FKBP10: variants seen among roughly 807,000 people sequenced by gnomAD.
The protein encoded by FKBP10 is FKBP prolyl isomerase 10.
FKBP10 carries 34 observed loss-of-function variants against 53.7 expected under a neutral mutation model. That is an observed-to-expected ratio of 0.63 (90% CI 0.48 to 0.84). FKBP10 has a LOEUF of 0.84. Ranked by LOEUF, FKBP10 falls within the 40% of genes least tolerant of loss-of-function variation. FKBP10 has a pLI of 0.00. For missense variants in FKBP10, 748 were observed against 797.8 expected (o/e 0.94, Z 0.75); for synonymous variants, 324 against 335.7 (o/e 0.97, Z 0.38).
At chr17:41,817,669 C>G (rs1179814061) in intron 2 of FKBP10, among the ~76,000 whole-genome samples, 1 of 150,366 alleles carries the variant, frequency 6.7e-6, no homozygotes, top group East Asian at 2.0e-4. Flanking sequence ...CACTCTGTTG[C>G]ACAGGCTGGA....
In FKBP10 at chr17:41,821,034, G is replaced by T; in HGVS notation, c.1344G>T (p.Val448=). ...GLDTGLQGMC[V]GERRQLIVPP... ...ACACGGGCCTGCAGGGCATGTGTGT[G>T]GGAGAGAGGCGGCAGCTCATCGTGC... is the stretch of plus-strand genomic sequence containing the variant. The change falls in exon 8 of 10, where the codon GTG becomes GTT. Residue 448 remains valine, a synonymous_variant. Coordinates refer to ENST00000321562, the MANE Select transcript of FKBP10 (RefSeq NM_021939.4). 1 of 1,600,438 alleles carries T rather than the reference G, an allele frequency of 6.2e-7. No individual in the cohort carries two copies. Among genetic ancestry groups the T allele is most frequent in the East Asian group, 2.3e-5 (1 of 44,308 alleles).
intron 1 of FKBP10, among the ~76,000 whole-genome samples, chr17:41,814,882 G>A (rs1457713024): frequency 3.9e-5 from 6 of 152,064 alleles, no homozygotes. Flanking sequence ...ACAGGCGCAT[G>A]CCACCACGCC....
chr17:41,822,444 G>C lies in FKBP10; in HGVS notation c.*36G>C. ...GCCTGGCCAGGCCTGAGACACAGAG[G>C]CCCACTGCGAGGGGGACAGTGGCGG... On this transcript the variant is annotated 3_prime_UTR_variant, in exon 10 of 10. Transcript: ENST00000321562. The C allele has an allele frequency of 6.4e-7, 1 of 1,570,648 alleles. No homozygotes were observed.
intron 8 of FKBP10, 83 bp downstream of exon 8, chr17:41,821,172 G>A (rs1454205857): frequency 6.8e-7 from 1 of 1,473,254 alleles, no homozygotes; most frequent in Non-Finnish European, 9.0e-7. Context: ...ACCCAGGCTG[G>A]AGTGCAGTGG....
At chr17:41,815,666 A>G (rs1235350060) in intron 1 of FKBP10, among the ~76,000 whole-genome samples, 2 of 143,644 alleles carry the variant, frequency 1.4e-5, no homozygotes, top group African/African-American at 5.2e-5. Context: ...CATGTTAGCC[A>G]GGGTGGTCTC....
chr17:41,819,921 G>T, intron 6 of FKBP10: 1 of 1,539,452 alleles, frequency 6.5e-7, no homozygotes, highest in South Asian at 1.2e-5. Flanking sequence ...GGGGAGGGAG[G>T]GTGGTTATGG....
chr17:41,813,665 C>T (rs572540830), intron 1 of FKBP10, among the ~76,000 whole-genome samples: 70 of 152,232 alleles, frequency 4.6e-4, no homozygotes, highest in African/African-American at 1.6e-3. Context: ...GACCCCGTAC[C>T]TTTCCACCCA....
At chr17:41,821,175 TGCA>T (rs1436264588) in intron 8 of FKBP10, 86 bp downstream of exon 8, 5 of 1,430,916 alleles carry the variant, frequency 3.5e-6, no homozygotes, top group Non-Finnish European at 4.6e-6. Flanking sequence ...CAGGCTGGAG[TGCA>T]GTGGTGTGCT....
At chr17:41,814,827 G>A (rs535722913) in intron 1 of FKBP10, among the ~76,000 whole-genome samples, 1 of 152,084 alleles carries the variant, frequency 6.6e-6, no homozygotes, top group Non-Finnish European at 1.5e-5. Flanking sequence ...CAACCTCCTG[G>A]GTTCAAGCAA....
chr17:41,816,324 G>A (rs1288281962), intron 1 of FKBP10, among the ~76,000 whole-genome samples: 6 of 126,214 alleles, frequency 4.8e-5, no homozygotes, highest in African/African-American at 1.5e-4. Flanking sequence ...TCCGCCTCCC[G>A]GGTTCACGCC....
rs782359821 is a variant in FKBP10 at position 41,820,219 on chromosome 17, A to G, written c.1064-50A>G. 5 of 1,582,988 alleles carry G rather than the reference A, an allele frequency of 3.2e-6. No homozygotes were observed. The African/African-American group carries it at 5.4e-5, about 17-fold the overall frequency. Reference sequence around the variant, plus strand: ...GGACCTCCATGGAGAGACCTCAAGTAGCCTCTCCTAGTGCTCTGAGCTGAC... The same window carrying G: ...GGACCTCCATGGAGAGACCTCAAGTGGCCTCTCCTAGTGCTCTGAGCTGAC... On this transcript the variant is annotated intron_variant, in intron 6 of 9. Coordinates refer to ENST00000321562, the MANE Select transcript of FKBP10 (RefSeq NM_021939.4).
At chr17:41,818,782 C>A in intron 4 of FKBP10, 2 of 479,632 alleles carry the variant, frequency 4.2e-6, no homozygotes, top group South Asian at 2.1e-5. Context: ...GGTGAAACCC[C>A]GTCTCTACTA....
At position 41,817,186 on chromosome 17, in the gene FKBP10, A is replaced by T; in HGVS notation, c.374A>T (p.Tyr125Phe). 1 of 1,613,532 alleles carries T rather than the reference A, an allele frequency of 6.2e-7. No homozygotes were observed. Among genetic ancestry groups the T allele is most frequent in the Non-Finnish European group, 8.5e-7 (1 of 1,180,022 alleles). Residue 125 changes from tyrosine to phenylalanine, a missense_variant, in exon 2 of 10, where the codon TAT (tyrosine) becomes TTT (phenylalanine). Physicochemically the swap from Tyr to Phe is conservative, Grantham distance 22. Transcript: ENST00000321562. ...CTCATTGTGCCTCCCCACCTGGGCT[A>T]TGGGAGCATCGGCCTGGGTGAGAAG... ...RRLIVPPHLG[Y>F]GSIGLAGLIP...
rs2047838574 is a variant in FKBP10, at chr17:41,818,102, A to T, written c.405A>T (p.Pro135=). Residue 135 remains proline (P), a synonymous_variant, in exon 3 of 10, where the codon CCA becomes CCT. Coordinates refer to ENST00000321562, the MANE Select transcript of FKBP10 (RefSeq NM_021939.4). Reference sequence around the variant, plus strand: ...GCGCTCTCACAGCGGGGCTCATTCCACCGGATGCCACCCTCTACTTCGATG... The same window carrying T: ...GCGCTCTCACAGCGGGGCTCATTCCTCCGGATGCCACCCTCTACTTCGATG... ...YGSIGLAGLI[P]PDATLYFDVV... 3 of 1,610,918 alleles carry T rather than the reference A, an allele frequency of 1.9e-6. No homozygotes were observed. Among genetic ancestry groups the T allele is most frequent in the Non-Finnish European group, 1.7e-6 (2 of 1,178,728 alleles).
At chr17:41,818,037 C>T (rs2047837347) in intron 2 of FKBP10, 52 bp from the exon 3 acceptor site, 12 of 1,531,550 alleles carry the variant, frequency 7.8e-6, no homozygotes, top group South Asian at 2.4e-5. Flanking sequence ...TGGCTGGGAT[C>T]GTGGTTGGCA....
In FKBP10 at chr17:41,819,193, C is replaced by G; in HGVS notation, c.728-17C>G. 6.2e-7 allele frequency: 1 copy of G among 1,614,000 alleles called. No individual in the cohort carries two copies. The highest frequency in any genetic ancestry group is 8.5e-7 in the Non-Finnish European group (1 of 1,179,928). On this transcript the variant is annotated splice_polypyrimidine_tract_variant and intron_variant, in intron 4 of 9. Coordinates refer to ENST00000321562, the MANE Select transcript of FKBP10 (RefSeq NM_021939.4). ...TTGCTCCCCAATTTTATGGTTCAAG[C>G]CCTATCCCTTCCCCAGGGACAGTGA...
chr17:41,822,298 A>G lies in FKBP10; in HGVS notation c.1639A>G (p.Ile547Val), dbSNP rs563857056. The G allele has an allele frequency of 1.9e-6, 3 of 1,613,952 alleles. No homozygotes were observed. In the East Asian group the frequency reaches 6.7e-5, roughly 36 times the overall value. The change falls in exon 10 of 10, where the codon ATA (isoleucine) becomes GTA (valine). Residue 547 changes from isoleucine (I) to valine (V), a missense_variant. Ile to Val is a conservative substitution (Grantham distance 29, BLOSUM62 3). Coordinates refer to ENST00000321562, the MANE Select transcript of FKBP10 (RefSeq NM_021939.4). ...LMPGQDPEKT[I>V]GDMFQNQDRN... ...GCCTGGGCAGGACCCTGAGAAAACCATAGGAGACATGTTCCAGAACCAGGA... is the reference window on the plus strand; with the variant it reads ...GCCTGGGCAGGACCCTGAGAAAACCGTAGGAGACATGTTCCAGAACCAGGA...
chr17:41,817,939 TA>T (rs370869069), intron 2 of FKBP10, 149 bp from the exon 3 acceptor site: 10,555 of 669,334 alleles, frequency 0.016, no homozygotes, highest in Middle Eastern at 0.022. Flanking sequence ...CCCTATCTCT[TA>T]AAAAAAAAAA....
In FKBP10 at chr17:41,818,217, G is replaced by T. The variant is rs140950528; in HGVS notation, c.520G>T (p.Gly174Cys). Residue 174 changes from glycine (G) to cysteine (C), a missense_variant, in exon 3 of 10, where the codon GGC (glycine) becomes TGC (cysteine). Physicochemically the swap from Gly to Cys is radical, Grantham distance 159. Transcript: ENST00000321562. The part of the protein sequence containing the change: ...PPHCPRMVQD[G>C]DFVRYHYNGT... ...CCACTGCCCCCGCATGGTCCAGGAC[G>T]GCGACTTTGTCCGCTACCACTACAA... is the stretch of plus-strand genomic sequence containing the variant. 3 of 1,613,440 alleles carry T rather than the reference G, an allele frequency of 1.9e-6. No homozygotes were observed. Among genetic ancestry groups the T allele is most frequent in the Admixed American group, 1.7e-5 (1 of 60,024 alleles).
Sources: gnomAD v4.1 joint callset for allele counts (sites outside exome capture counted in the v4.1 genomes callset) on GRCh38, gnomAD v4.1.1 for gene constraint, MANE v1.5 for transcripts, NCBI Gene and HGNC (gene_info 2026-07-23, HGNC 2026-07-21) for gene names.